Variants in ZNF521 observed in about 807,000 individuals in gnomAD.
The protein encoded by ZNF521 is zinc finger protein 521, also known as LYST-interacting protein 3.
In ZNF521, 14 loss-of-function variants were observed where a neutral mutation model predicts 105.5. The ratio of observed to expected loss-of-function variants is 0.13; its 90% CI spans 0.09 to 0.21. The LOEUF (loss-of-function observed/expected upper bound fraction) is 0.21. Among genes scored for constraint, ZNF521 ranks in the 10% least tolerant of loss-of-function variants. The pLI, the probability that ZNF521 is intolerant of heterozygous loss-of-function variation, is 1.00. For synonymous variants in ZNF521, 635 were observed against 606.0 expected, an observed-to-expected ratio of 1.05 and a Z score of -0.70; for missense variants, 1,233 against 1,629.7, an observed-to-expected ratio of 0.76 and a Z score of 4.19.
chr18:25,231,673 G>C (rs1239122734), intron 3 of ZNF521: 1 of 152,146 alleles, frequency 6.6e-6, no homozygotes, highest in African/African-American at 2.4e-5. Flanking sequence ...AATCAAATTA[G>C]CCAGAAATTA....
intron 3 of ZNF521, among the ~76,000 whole-genome samples, chr18:25,260,777 A>G (rs367825351): frequency 2.6e-5 from 4 of 152,106 alleles, no homozygotes; most frequent in South Asian, 2.1e-4. Context: ...TATCTCTTCA[A>G]TCTTCAAAAT....
chr18:25,146,850 T>C (rs950532808), intron 5 of ZNF521, among the ~76,000 whole-genome samples: 2 of 152,190 alleles, frequency 1.3e-5, no homozygotes, highest in African/African-American at 4.8e-5. Context: ...TATTACATTG[T>C]GATAAACCCT....
At chr18:25,302,955 T>C (rs929840721) in intron 3 of ZNF521, 10 of 152,220 alleles carry the variant, frequency 6.6e-5, no homozygotes, top group Admixed American at 1.3e-4. Flanking sequence ...TATTCAAATA[T>C]ACTAATTGTG....
chr18:25,122,934 G>A (rs1397073322), intron 5 of ZNF521, among the ~76,000 whole-genome samples: 1 of 152,002 alleles, frequency 6.6e-6, no homozygotes, highest in East Asian at 1.9e-4. Flanking sequence ...TAATTCACAC[G>A]CACTCAGCCA....
At position 25,221,008 on chromosome 18, in the gene ZNF521, G is replaced by A. The variant is rs191155209; in HGVS notation, c.3573+3337C>T. 3.0e-4 allele frequency among the ~76,000 whole-genome samples: 46 copies of A among 152,144 alleles called. No homozygotes were observed. The East Asian group carries it at 6.4e-3, about 21-fold the overall frequency. On this transcript the variant is annotated intron_variant, in intron 4 of 7. Transcript: ENST00000361524. ...GTCCCCAGTTAACCTTACCATCCCT[G>A]GAATCATTTATTGTAGGTTATGTGT...
intron 5 of ZNF521, among the ~76,000 whole-genome samples, chr18:25,140,736 G>A (rs759761586): frequency 2.6e-5 from 4 of 152,172 alleles, no homozygotes; most frequent in Non-Finnish European, 5.9e-5. Context: ...GGGAAAATGG[G>A]AGAGGGAGGG....
intron 3 of ZNF521, among the ~76,000 whole-genome samples, chr18:25,234,887 TAAC>T (rs1198727923): frequency 2.0e-5 from 3 of 152,104 alleles, no homozygotes; most frequent in South Asian, 2.1e-4. Context: ...ATTATTTAAA[TAAC>T]AATTTGATAG....
chr18:25,195,781 A>G (rs2035892657), intron 4 of ZNF521, among the ~76,000 whole-genome samples: 2 of 151,828 alleles, frequency 1.3e-5, no homozygotes, highest in African/African-American at 4.8e-5. Context: ...GTTGCTAAGC[A>G]TTAGTATTTA....
chr18:25,294,392 T>C (rs926660258), intron 3 of ZNF521, among the ~76,000 whole-genome samples: 5 of 152,202 alleles, frequency 3.3e-5, no homozygotes, highest in South Asian at 2.1e-4. Flanking sequence ...TTTGATTCTA[T>C]AGGCCTAGGA....
chr18:25,063,928 C>T (rs2032981635), intron 7 of ZNF521, among the ~76,000 whole-genome samples: 1 of 152,220 alleles, frequency 6.6e-6, no homozygotes, highest in African/African-American at 2.4e-5. Flanking sequence ...TTTCCTGCTG[C>T]ACTTTATACT....
chr18:25,125,340 C>T (rs1318663528), intron 5 of ZNF521, among the ~76,000 whole-genome samples: 1 of 152,026 alleles, frequency 6.6e-6, no homozygotes, highest in African/African-American at 2.4e-5. Flanking sequence ...TTACACTTTT[C>T]AGTTTATAGA....
chr18:25,333,618 C>A (rs1388306085), intron 2 of ZNF521, among the ~76,000 whole-genome samples: 1 of 152,044 alleles, frequency 6.6e-6, no homozygotes, highest in Admixed American at 6.6e-5. Context: ...TGCCCAATTG[C>A]CTCCACAGAA....
chr18:25,352,117 G>T lies in ZNF521; in HGVS notation c.-114C>A. 2.1e-6 allele frequency: 1 copy of T among 470,870 alleles called. No homozygotes were observed. Among genetic ancestry groups the T allele is most frequent in the Non-Finnish European group, 4.3e-6 (1 of 232,676 alleles). The allele number at this position is 470,870 out of a possible 1,614,324, so 29.2% of individuals were successfully genotyped here. ...TCCAGAGGGGGCCCCTAACCCGCAG[G>T]GACTCGCTCTGTACGTAATCACTGA... On this transcript the variant is annotated 5_prime_UTR_variant, in exon 1 of 8. Transcript: ENST00000361524.
In ZNF521 at chr18:25,227,679, T is replaced by C; in HGVS notation, c.239A>G (p.Asp80Gly). ...AGCTGGCCAAGAGCAAGTCGGATCATCTTCAACATCCACTCCATCTGCAAC... is the reference window on the plus strand; with the variant it reads ...AGCTGGCCAAGAGCAAGTCGGATCACCTTCAACATCCACTCCATCTGCAAC... Reference protein sequence around the residue: ...CQLTDGVDVEDDPTCSWPASS... With the variant: ...CQLTDGVDVEGDPTCSWPASS... Residue 80 changes from aspartate (D) to glycine (G), a missense_variant, in exon 4 of 8, where the codon GAT (aspartate) becomes GGT (glycine). This residue lies in a region of ZNF521 where 85 missense variants were observed against 162.2 expected (regional missense o/e 0.52). Coordinates refer to ENST00000361524, the MANE Select transcript of ZNF521 (RefSeq NM_015461.3). This position sits in a 1 kb window ranked among gnomAD's most constrained non-coding sequence, Gnocchi z 5.7. 6.2e-7 allele frequency: 1 copy of C among 1,612,530 alleles called. No individual in the cohort carries two copies. Among genetic ancestry groups the C allele is most frequent in the Non-Finnish European group, 8.5e-7 (1 of 1,179,124 alleles).
intron 7 of ZNF521, among the ~76,000 whole-genome samples, chr18:25,075,521 G>A (rs1471934401): frequency 1.3e-5 from 2 of 152,100 alleles, no homozygotes; most frequent in Non-Finnish European, 1.5e-5. Context: ...GCGGTTTGGC[G>A]AGCCCAGTCA....
rs1017359932 is a variant in ZNF521 at position 25,346,441 on chromosome 18, C to T, written c.40+4466G>A. Among the ~76,000 whole-genome samples the T allele has an allele frequency of 4.6e-5, 7 of 152,172 alleles. No individual in the cohort carries two copies. The East Asian group carries it at 1.2e-3, about 25-fold the overall frequency. On this transcript the variant is annotated intron_variant, in intron 2 of 7. Transcript: ENST00000361524. ...CTCCCTGAGGTGGCTTTTCTAACAC[C>T]TACAATTTTTAGAGCTTTTCCACTA...
At chr18:25,316,903 A>G (rs897075899) in intron 3 of ZNF521, among the ~76,000 whole-genome samples, 2 of 144,622 alleles carry the variant, frequency 1.4e-5, no homozygotes, top group African/African-American at 2.6e-5. Context: ...CGCCTAGGCT[A>G]GAGAGCAATG....
chr18:25,100,819 T>A (rs1280762074), intron 5 of ZNF521, among the ~76,000 whole-genome samples: 2 of 152,210 alleles, frequency 1.3e-5, no homozygotes, highest in African/African-American at 4.8e-5. Context: ...ATTATTAAAG[T>A]GATATACTGC....
chr18:25,322,557 C>CAAA, intron 2 of ZNF521, among the ~76,000 whole-genome samples: 1 of 124,842 alleles, frequency 8.0e-6, no homozygotes, highest in African/African-American at 2.7e-5. Context: ...AAAAAAACCC[C>CAAA]CCCACTGTGC....
Sources: gnomAD v4.1 joint callset for allele counts (sites outside exome capture counted in the v4.1 genomes callset) on GRCh38, gnomAD v4.1.1 for gene constraint, gnomAD v4.1.1 regional missense constraint, Gnocchi (gnomAD v3.1) non-coding constraint, MANE v1.5 for transcripts, NCBI Gene and HGNC (gene_info 2026-07-23, HGNC 2026-07-21) for gene names.